Variants in SLC12A1 observed in about 807,000 individuals in gnomAD.
SLC12A1 encodes solute carrier family 12 member 1.
In SLC12A1, 89 loss-of-function variants were observed where a neutral mutation model predicts 130.4. The ratio of observed to expected loss-of-function variants is 0.68; its 90% CI spans 0.58 to 0.81. SLC12A1 has a LOEUF of 0.81. Ranked by LOEUF, SLC12A1 falls within the 40% of genes least tolerant of loss-of-function variation. The pLI is 0.00. For synonymous variants in SLC12A1, 499 were observed against 460.0 expected (o/e 1.08, Z -1.09); for missense variants, 1,310 against 1,336.4 (o/e 0.98, Z 0.31).
rs1035483306 is a variant in SLC12A1, at chr15:48,235,101, A to G, written c.1215+97A>G. On this transcript the variant is annotated intron_variant, in intron 9 of 26. Transcript: ENST00000380993. ...AGGTTAGATGTGACCATATTACCCT[A>G]CAGATTCAAACTGTAGGTTTCTGCA... 10 of 1,216,240 alleles carry G rather than the reference A, an allele frequency of 8.2e-6. No individual in the cohort carries two copies. In the African/African-American group the frequency reaches 1.0e-4, roughly 13 times the overall value. 75.3% of individuals were successfully genotyped at this position (1,216,240 alleles called of 1,614,324 possible). A position where few individuals can be genotyped will look rare whatever the true frequency, so the allele number is the denominator to read the frequency against.
chr15:48,250,333 A>G (rs1226760702), intron 14 of SLC12A1, among the ~76,000 whole-genome samples: 1 of 152,230 alleles, frequency 6.6e-6, no homozygotes, highest in African/African-American at 2.4e-5. Context: ...TACCGGATAT[A>G]TAAACACATT....
At chr15:48,219,826 G>T (rs1414220739) in intron 2 of SLC12A1, among the ~76,000 whole-genome samples, 5 of 152,100 alleles carry the variant, frequency 3.3e-5, no homozygotes, top group Non-Finnish European at 5.9e-5. Context: ...GCCGAGGCAG[G>T]CGGATTGCCT....
At chr15:48,248,613 T>C (rs552934958) in intron 13 of SLC12A1, among the ~76,000 whole-genome samples, 5 of 152,224 alleles carry the variant, frequency 3.3e-5, no homozygotes, top group Non-Finnish European at 7.3e-5. Context: ...ATTTGCATCA[T>C]TGCATCATTT....
intron 21 of SLC12A1, among the ~76,000 whole-genome samples, chr15:48,286,561 T>A (rs1255454475): frequency 6.6e-6 from 1 of 152,180 alleles, no homozygotes; most frequent in Non-Finnish European, 1.5e-5. Flanking sequence ...AGCCCAATAA[T>A]GTGCTCCAAC....
chr15:48,253,107 C>T (rs2041666546), intron 15 of SLC12A1, among the ~76,000 whole-genome samples: 1 of 152,214 alleles, frequency 6.6e-6, no homozygotes, highest in Admixed American at 6.5e-5. Context: ...TCACATTCTC[C>T]TTTCCCTTAC....
At chr15:48,258,939 G>A (rs562711153) in intron 16 of SLC12A1, among the ~76,000 whole-genome samples, 1 of 152,068 alleles carries the variant, frequency 6.6e-6, no homozygotes, top group Non-Finnish European at 1.5e-5. Context: ...AGATTTGGGT[G>A]GGAACACAGC....
chr15:48,251,682 A>T lies in SLC12A1; in HGVS notation c.1854A>T (p.Ala618=). 6.2e-7 allele frequency: 1 copy of T among 1,613,600 alleles called. No homozygotes were observed. Among genetic ancestry groups the T allele is most frequent in the Non-Finnish European group, 8.5e-7 (1 of 1,179,540 alleles). The change falls in exon 15 of 27, where the codon GCA becomes GCT. Residue 618 remains alanine (A), a synonymous_variant. Coordinates refer to ENST00000380993, the MANE Select transcript of SLC12A1 (RefSeq NM_000338.3). ...TTTTTGGAGCTGTTTTGTGCTGTGCAGTCATGTTTGTCATCAACTGGTGGG... is the reference window on the plus strand; with the variant it reads ...TTTTTGGAGCTGTTTTGTGCTGTGCTGTCATGTTTGTCATCAACTGGTGGG... ...VSLFGAVLCC[A]VMFVINWWAA... is the part of the protein sequence containing the mutation.
intron 23 of SLC12A1, 60 bp from the exon 24 acceptor site, chr15:48,291,718 C>T: frequency 9.5e-7 from 1 of 1,047,750 alleles, no homozygotes; most frequent in Non-Finnish European, 1.4e-6. Flanking sequence ...AAACAAAAAA[C>T]TCTTTGATTG....
intron 11 of SLC12A1, among the ~76,000 whole-genome samples, chr15:48,246,098 C>T (rs1165021800): frequency 2.0e-5 from 3 of 152,196 alleles, no homozygotes; most frequent in Non-Finnish European, 4.4e-5. Flanking sequence ...GAGAAATTAA[C>T]TCAGCTGAAG....
intron 16 of SLC12A1, among the ~76,000 whole-genome samples, chr15:48,256,153 C>T (rs1382853813): frequency 3.3e-5 from 5 of 152,274 alleles, no homozygotes; most frequent in Admixed American, 2.6e-4. Context: ...ACCTTCCATG[C>T]GTGGAGATAG....
chr15:48,209,089 A>G (rs1027404380), intron 2 of SLC12A1, among the ~76,000 whole-genome samples: 12 of 152,272 alleles, frequency 7.9e-5, no homozygotes, highest in African/African-American at 2.9e-4. Flanking sequence ...GAGACGAAGT[A>G]TCGCTCTTGT....
intron 10 of SLC12A1, among the ~76,000 whole-genome samples, chr15:48,242,052 C>T (rs1434232161): frequency 6.6e-6 from 1 of 152,192 alleles, no homozygotes; most frequent in Non-Finnish European, 1.5e-5. Flanking sequence ...CCTTGTACTG[C>T]TATCCTTAAT....
rs573534331 is a variant in SLC12A1, at chr15:48,266,766, A to G, written c.2155-795A>G. ...AGAAATAACTTTTGGATTGAATTAC[A>G]TCATGAGAAGAAAAGAACTAGCTTG... is the stretch of plus-strand genomic sequence containing the variant. On this transcript the variant is annotated intron_variant, in intron 17 of 26. Coordinates refer to ENST00000380993, the MANE Select transcript of SLC12A1 (RefSeq NM_000338.3). Among the ~76,000 whole-genome samples the G allele has an allele frequency of 2.2e-3, 331 of 152,372 alleles. 1 individual carries two copies. Among genetic ancestry groups the G allele is most frequent in the Non-Finnish European group, 3.9e-3 (268 of 68,034 alleles).
intron 11 of SLC12A1, among the ~76,000 whole-genome samples, chr15:48,246,606 C>A (rs556138680): frequency 2.6e-5 from 4 of 152,098 alleles, no homozygotes; most frequent in Non-Finnish European, 5.9e-5. Context: ...CATGGTGAAA[C>A]CCCGTCTCTA....
chr15:48,234,834 GA>G, intron 8 of SLC12A1, 42 bp from the exon 9 acceptor site: 1 of 1,602,680 alleles, frequency 6.2e-7, no homozygotes, highest in Non-Finnish European at 8.5e-7. Flanking sequence ...CCTGTACTGT[GA>G]AAAATGTCTA....
rs201443149 is a variant in SLC12A1 at position 48,251,746 on chromosome 15, G to A, written c.1918G>A (p.Val640Ile). 2.6e-5 allele frequency: 42 copies of A among 1,613,840 alleles called. No homozygotes were observed. Among genetic ancestry groups the A allele is most frequent in the Admixed American group, 2.2e-4 (13 of 60,020 alleles). ...ITYVIEFFLY[V>I]YVTCKKPDVN... ...CTATGTCATTGAATTCTTCCTTTACGTCTATGTGACTTGTAAGAAGCCAGG... is the reference window on the plus strand; with the variant it reads ...CTATGTCATTGAATTCTTCCTTTACATCTATGTGACTTGTAAGAAGCCAGG... The change falls in exon 15 of 27, where the codon GTC becomes ATC. Residue 640 changes from valine to isoleucine, a missense_variant. Coordinates refer to ENST00000380993, the MANE Select transcript of SLC12A1 (RefSeq NM_000338.3).
At chr15:48,226,369 G>A (rs571791010) in intron 4 of SLC12A1, 107 bp from the exon 5 acceptor site, 36 of 655,298 alleles carry the variant, frequency 5.5e-5, no homozygotes, top group East Asian at 5.1e-4. Flanking sequence ...GTTGGAGCCC[G>A]AGGCATGGAC....
intron 26 of SLC12A1, among the ~76,000 whole-genome samples, chr15:48,302,284 A>G (rs1001890684): frequency 4.6e-5 from 7 of 152,192 alleles, no homozygotes; most frequent in Non-Finnish European, 1.0e-4. Flanking sequence ...TGCTATCTAC[A>G]GTAAAAATAA....
intron 9 of SLC12A1, among the ~76,000 whole-genome samples, chr15:48,238,187 G>C (rs1343714627): frequency 1.3e-5 from 2 of 152,150 alleles, no homozygotes; most frequent in Non-Finnish European, 2.9e-5. Context: ...TTTTAACGCT[G>C]GTTGTAACCT....
Sources: gnomAD v4.1 joint callset for allele counts (sites outside exome capture counted in the v4.1 genomes callset) on GRCh38, gnomAD v4.1.1 for gene constraint, MANE v1.5 for transcripts, NCBI Gene and HGNC (gene_info 2026-07-23, HGNC 2026-07-21) for gene names.